SOX5: variants seen among roughly 807,000 people sequenced by gnomAD.
SOX5 encodes the protein transcription factor SOX-5.
Under a neutral mutation model 92.0 loss-of-function variants are expected in SOX5, and 9 were observed. The ratio of observed to expected loss-of-function variants is 0.10; its 90% CI spans 0.06 to 0.17. The LOEUF (loss-of-function observed/expected upper bound fraction) is 0.17. SOX5 is among the 10% of genes least tolerant of loss of function. The probability of loss-of-function intolerance (pLI) is 1.00; values close to 1 mark genes in which losing one functional copy is unlikely to be tolerated. For synonymous variants in SOX5, 344 were observed against 336.3 expected, an observed-to-expected ratio of 1.02 and a Z score of -0.25; for missense variants, 642 against 944.5, an observed-to-expected ratio of 0.68 and a Z score of 4.20.
At chr12:24,040,605 G>T (rs1050398919) in intron 4 of SOX5, among the ~76,000 whole-genome samples, 1 of 152,226 alleles carries the variant, frequency 6.6e-6, no homozygotes, top group Non-Finnish European at 1.5e-5. Flanking sequence ...GGGTGCAGTG[G>T]CTCACGCCTG....
At chr12:23,756,487 A>G (rs1037548880) in intron 3 of SOX5, among the ~76,000 whole-genome samples, 9 of 152,048 alleles carry the variant, frequency 5.9e-5, no homozygotes, top group Non-Finnish European at 7.4e-5. Context: ...ACTTTAATGT[A>G]TAAGTAAATA....
chr12:23,901,171 A>G (rs1359091873), intron 1 of SOX5, among the ~76,000 whole-genome samples: 1 of 152,176 alleles, frequency 6.6e-6, no homozygotes, highest in Admixed American at 6.5e-5. Flanking sequence ...GAAAAGTCAG[A>G]GTCAGAGGAA....
chr12:24,468,096 T>G (rs1430155605), intron 1 of SOX5, among the ~76,000 whole-genome samples: 2 of 152,136 alleles, frequency 1.3e-5, no homozygotes, highest in Non-Finnish European at 2.9e-5. Context: ...TTACTGGTGT[T>G]TAAGAGCTTG....
At chr12:24,078,749 C>A (rs1000906337) in intron 4 of SOX5, among the ~76,000 whole-genome samples, 2 of 152,034 alleles carry the variant, frequency 1.3e-5, no homozygotes, top group Non-Finnish European at 2.9e-5. Flanking sequence ...AAAGCCTCAA[C>A]TTCACATATT....
intron 5 of SOX5, among the ~76,000 whole-genome samples, chr12:23,738,989 C>T (rs2093702741): frequency 6.6e-6 from 1 of 152,154 alleles, no homozygotes; most frequent in Non-Finnish European, 1.5e-5. Context: ...ATCTTTTAAG[C>T]AGACATCAAC....
intron 6 of SOX5, among the ~76,000 whole-genome samples, chr12:23,715,820 A>C (rs947251176): frequency 1.7e-4 from 26 of 149,998 alleles, no homozygotes; most frequent in Non-Finnish European, 3.1e-4. Flanking sequence ...AAAAAAAAAA[A>C]AAAAAAAAAA....
chr12:24,438,432 A>T (rs904927686), intron 1 of SOX5, among the ~76,000 whole-genome samples: 72 of 151,542 alleles, frequency 4.8e-4, no homozygotes, highest in African/African-American at 1.6e-3. Flanking sequence ...AAGTATAGTT[A>T]AAAAAAATAT....
chr12:23,755,164 C>A lies in SOX5; in HGVS notation c.568+474G>T, dbSNP rs552377645. Among the ~76,000 whole-genome samples the A allele has an allele frequency of 1.3e-4, 20 of 151,672 alleles. No individual in the cohort carries two copies. In the South Asian group the frequency reaches 4.2e-3, roughly 32 times the overall value. ...GATGTAATTGCTGATTCAAATAAAA[C>A]CAAAACAAATTGTTACCTTGACTGG... On this transcript the variant is annotated intron_variant, in intron 4 of 14. Transcript: ENST00000451604.
chr12:24,078,349 T>TA, intron 4 of SOX5, among the ~76,000 whole-genome samples: 1 of 152,156 alleles, frequency 6.6e-6, no homozygotes, highest in East Asian at 1.9e-4. Context: ...TGACAGAAGA[T>TA]ACGATGTTTG....
chr12:24,394,814 G>A (rs143975611), intron 1 of SOX5, among the ~76,000 whole-genome samples: 10 of 152,244 alleles, frequency 6.6e-5, no homozygotes, highest in Admixed American at 2.0e-4. Context: ...GCATCATTTC[G>A]AAAAATAAAA....
intron 2 of SOX5, among the ~76,000 whole-genome samples, chr12:24,324,743 A>G (rs547400731): frequency 5.9e-5 from 9 of 152,192 alleles, no homozygotes; most frequent in Non-Finnish European, 8.8e-5. Context: ...TTTGTATGTA[A>G]AAAGGAAATA....
chr12:23,692,971 C>G (rs1400910203), intron 6 of SOX5, among the ~76,000 whole-genome samples: 1 of 152,148 alleles, frequency 6.6e-6, no homozygotes, highest in Non-Finnish European at 1.5e-5. Context: ...TTCCAAATAT[C>G]AATATAACTC....
In SOX5 at chr12:24,496,834, A is replaced by G. The variant is rs527807475; in HGVS notation, c.-251+65495T>C. On this transcript the variant is annotated intron_variant, in intron 1 of 4. Coordinates refer to the SOX5 transcript ENST00000446891. ...CTAAAACATAACTTGGTTTAAGAAC[A>G]CAGCCTGAATTTATTACTTACACCT... Among the ~76,000 whole-genome samples, 5 of 152,316 alleles carry G rather than the reference A, an allele frequency of 3.3e-5. No homozygotes were observed. The South Asian group carries it at 1.0e-3, about 32-fold the overall frequency.
At chr12:23,728,622 C>A (rs1165999379) in intron 6 of SOX5, among the ~76,000 whole-genome samples, 1 of 152,068 alleles carries the variant, frequency 6.6e-6, no homozygotes, top group African/African-American at 2.4e-5. Context: ...AACTTTGGTG[C>A]CAATAAAATG....
chr12:23,984,799 C>T (rs1296748932), intron 4 of SOX5, among the ~76,000 whole-genome samples: 1 of 152,048 alleles, frequency 6.6e-6, no homozygotes, highest in Non-Finnish European at 1.5e-5. Flanking sequence ...TGTAGCAAAC[C>T]AAAGTTTTAA....
intron 4 of SOX5, among the ~76,000 whole-genome samples, chr12:24,176,931 T>A (rs1035396533): frequency 6.6e-6 from 1 of 152,102 alleles, no homozygotes; most frequent in Non-Finnish European, 1.5e-5. Flanking sequence ...ATGTGGTAAT[T>A]TGTAGTACTT....
At chr12:23,967,045 T>C (rs1320236101) in intron 4 of SOX5, among the ~76,000 whole-genome samples, 1 of 152,196 alleles carries the variant, frequency 6.6e-6, no homozygotes, top group African/African-American at 2.4e-5. Flanking sequence ...TCAGATTGTT[T>C]ATGTTGCATA....
intron 2 of SOX5, among the ~76,000 whole-genome samples, chr12:23,874,515 T>A (rs1030184835): frequency 6.6e-6 from 1 of 152,190 alleles, no homozygotes; most frequent in Non-Finnish European, 1.5e-5. Context: ...AGAGAAAATT[T>A]AATGAAAACA....
rs75423546 is a variant in SOX5, at chr12:24,361,325, A to C, written c.-174+7238T>G. Among the ~76,000 whole-genome samples the C allele has an allele frequency of 5.4e-3, 819 of 152,268 alleles. 8 individuals are homozygous for C. Among genetic ancestry groups the C allele is most frequent in the African/African-American group, 0.019 (780 of 41,542 alleles). ...ATCAACCTAGAAAAATGTATGCTCG[A>C]GCCCTGAGATTACTCTGCCTGGGTG... On this transcript the variant is annotated intron_variant, in intron 2 of 4. Coordinates refer to the SOX5 transcript ENST00000446891.
Sources: gnomAD v4.1 joint callset for allele counts (sites outside exome capture counted in the v4.1 genomes callset) on GRCh38, gnomAD v4.1.1 for gene constraint, MANE v1.5 for transcripts, NCBI Gene and HGNC (gene_info 2026-07-23, HGNC 2026-07-21) for gene names.